The following DACH1 variants were observed in gnomAD, a reference collection of about 807,000 sequenced individuals.
DACH1 encodes dachshund homolog 1.
Under a neutral mutation model 54.2 loss-of-function variants are expected in DACH1, and 12 were observed. The observed-to-expected ratio is 0.22, with a 90% CI of 0.14 to 0.36. DACH1 has a LOEUF of 0.36. Ranked by LOEUF, DACH1 falls within the 10% of genes least tolerant of loss-of-function variation. The probability of loss-of-function intolerance (pLI) is 1.00; values close to 1 mark genes in which losing one functional copy is unlikely to be tolerated. For missense variants in DACH1, 805 were observed against 929.8 expected, an observed-to-expected ratio of 0.87 and a Z score of 1.75; for synonymous variants, 386 against 366.2, an observed-to-expected ratio of 1.05 and a Z score of -0.62.
At chr13:71,665,494 C>T (rs1191035081) in intron 2 of DACH1, among the ~76,000 whole-genome samples, 1 of 151,934 alleles carries the variant, frequency 6.6e-6, no homozygotes, top group Admixed American at 6.6e-5. Context: ...AAGCTTTCCA[C>T]CAGTATTATG....
At chr13:71,728,842 G>T (rs1379804800) in intron 1 of DACH1, among the ~76,000 whole-genome samples, 2 of 151,868 alleles carry the variant, frequency 1.3e-5, no homozygotes, top group Non-Finnish European at 2.9e-5. Flanking sequence ...AAAAAGAATT[G>T]ACCTATTCTA....
In DACH1 at chr13:71,519,063, C is replaced by T. The variant is rs569426309; in HGVS notation, c.1571-29915G>A. Among the ~76,000 whole-genome samples, 4 of 151,874 alleles carry T rather than the reference C, an allele frequency of 2.6e-5. No individual in the cohort carries two copies. In the East Asian group the frequency reaches 7.8e-4, roughly 30 times the overall value. On this transcript the variant is annotated intron_variant, in intron 6 of 10. Transcript: ENST00000613252. Reference sequence around the variant, plus strand: ...TCGAGTAGTTGAGTAGTTGTGTAGACAGAAATTATGTGTCCAATAATCCCA... The same window carrying T: ...TCGAGTAGTTGAGTAGTTGTGTAGATAGAAATTATGTGTCCAATAATCCCA...
intron 1 of DACH1, among the ~76,000 whole-genome samples, chr13:71,820,963 A>T (rs1404390447): frequency 1.3e-5 from 2 of 152,212 alleles, no homozygotes; most frequent in African/African-American, 2.4e-5. Flanking sequence ...AACCTTACCT[A>T]TCTAAATAGC....
chr13:71,679,788 T>C (rs1443341015), intron 2 of DACH1, among the ~76,000 whole-genome samples: 1 of 151,750 alleles, frequency 6.6e-6, no homozygotes, highest in African/African-American at 2.4e-5. Flanking sequence ...ATCGAGACCA[T>C]CCTGGCCAAC....
At chr13:71,834,144 C>T (rs1438901809) in intron 1 of DACH1, among the ~76,000 whole-genome samples, 2 of 151,976 alleles carry the variant, frequency 1.3e-5, no homozygotes, top group Admixed American at 6.6e-5. Context: ...ATTAAAGTAG[C>T]GAAATATCCC....
chr13:71,702,558 T>C (rs1882195059), intron 1 of DACH1, among the ~76,000 whole-genome samples: 1 of 152,146 alleles, frequency 6.6e-6, no homozygotes, highest in African/African-American at 2.4e-5. Context: ...ACGCAAAAGG[T>C]AGCATTGAAC....
At chr13:71,466,055 T>C (rs1172900742) in intron 10 of DACH1, among the ~76,000 whole-genome samples, 1 of 152,186 alleles carries the variant, frequency 6.6e-6, no homozygotes, top group Non-Finnish European at 1.5e-5. Flanking sequence ...TCCTTAAATT[T>C]CTAAATTCCC....
At chr13:71,644,076 A>G (rs376875075) in intron 2 of DACH1, among the ~76,000 whole-genome samples, 1 of 152,312 alleles carries the variant, frequency 6.6e-6, no homozygotes, top group African/African-American at 2.4e-5. Flanking sequence ...TCCCGAAAAG[A>G]CTAACTCTTA....
chr13:71,488,014 T>C (rs1878679543), intron 7 of DACH1, among the ~76,000 whole-genome samples: 1 of 152,154 alleles, frequency 6.6e-6, no homozygotes, highest in African/African-American at 2.4e-5. Context: ...TCTAATTACA[T>C]TAGTATTAAA....
intron 1 of DACH1, among the ~76,000 whole-genome samples, chr13:71,852,581 A>G (rs1205947741): frequency 6.6e-6 from 1 of 152,196 alleles, no homozygotes; most frequent in Non-Finnish European, 1.5e-5. Flanking sequence ...AATTCACCCA[A>G]TTAAGGGTAA....
chr13:71,866,633 G>A lies in DACH1; in HGVS notation c.137C>T (p.Pro46Leu), dbSNP rs1409165869. ...CAGAGTTGGCCCAGAGGACGCCGGG[G>A]GTCCGATGGAAGGAGCCGGAGACGA... Reference protein sequence around the residue: ...ATSSPAPSIGPPASSGPTLFR... With the variant: ...ATSSPAPSIGLPASSGPTLFR... The change falls in exon 1 of 11, where the codon CCC (proline) becomes CTC (leucine). Residue 46 changes from proline (P) to leucine (L), a missense_variant. Pro to Leu is a moderately conservative substitution (Grantham distance 98). This residue lies in a region of DACH1 where 305 missense variants were observed against 308.7 expected (regional missense o/e 0.99). Coordinates refer to ENST00000613252, the MANE Select transcript of DACH1 (RefSeq NM_080759.6). The A allele has an allele frequency of 2.1e-6, 3 of 1,405,402 alleles. No homozygotes were observed. Among genetic ancestry groups the A allele is most frequent in the African/African-American group, 2.9e-5 (2 of 67,994 alleles). The allele number at this position is 1,405,402 out of a possible 1,614,324, so 87.1% of individuals were successfully genotyped here.
At position 71,632,243 on chromosome 13, in the gene DACH1, T is replaced by C. The variant is rs931398563; in HGVS notation, c.965-1526A>G. Among the ~76,000 whole-genome samples, 12 of 152,132 alleles carry C rather than the reference T, an allele frequency of 7.9e-5. 1 individual carries two copies. The East Asian group carries it at 1.9e-3, about 25-fold the overall frequency. ...ATATAGAGAGATAATAAGCAGAGGTTTTTGAGCAGGGGAGTGGTTTGTCTT... is the reference window on the plus strand; with the variant it reads ...ATATAGAGAGATAATAAGCAGAGGTCTTTGAGCAGGGGAGTGGTTTGTCTT... On this transcript the variant is annotated intron_variant, in intron 2 of 10. Transcript: ENST00000613252.
intron 3 of DACH1, among the ~76,000 whole-genome samples, chr13:71,623,134 A>G (rs1876367882): frequency 1.3e-5 from 2 of 151,788 alleles, no homozygotes; most frequent in South Asian, 4.1e-4. Context: ...AAATATTTCA[A>G]AGTGAAAAAT....
At chr13:71,671,307 T>A (rs1339305274) in intron 2 of DACH1, among the ~76,000 whole-genome samples, 3 of 151,702 alleles carry the variant, frequency 2.0e-5, no homozygotes, top group Non-Finnish European at 4.4e-5. Flanking sequence ...AAAAAAAGTA[T>A]CCGTTAGCTT....
chr13:71,662,349 A>G (rs1409711379), intron 2 of DACH1, among the ~76,000 whole-genome samples: 1 of 152,068 alleles, frequency 6.6e-6, no homozygotes, highest in African/African-American at 2.4e-5. Flanking sequence ...TATAACAACC[A>G]TAAATGATCC....
At chr13:71,716,237 G>C (rs995673750) in intron 1 of DACH1, among the ~76,000 whole-genome samples, 1 of 151,808 alleles carries the variant, frequency 6.6e-6, no homozygotes, top group Non-Finnish European at 1.5e-5. Flanking sequence ...CATTCACATT[G>C]CTCCTGCCTT....
intron 7 of DACH1, among the ~76,000 whole-genome samples, chr13:71,485,996 A>G (rs1878472498): frequency 6.6e-6 from 1 of 151,872 alleles, no homozygotes; most frequent in Non-Finnish European, 1.5e-5. Flanking sequence ...AAATTTTAAA[A>G]TAAAAATTTA....
At chr13:71,779,643 A>C (rs1886281396) in intron 1 of DACH1, among the ~76,000 whole-genome samples, 1 of 152,050 alleles carries the variant, frequency 6.6e-6, no homozygotes, top group African/African-American at 2.4e-5. Context: ...AACAATAACC[A>C]CACCAAACAA....
intron 1 of DACH1, among the ~76,000 whole-genome samples, chr13:71,719,517 A>G (rs1883134783): frequency 6.6e-6 from 1 of 152,140 alleles, no homozygotes; most frequent in South Asian, 2.1e-4. Flanking sequence ...GTCACAGTAC[A>G]CTTTCTATAC....
Sources: gnomAD v4.1 joint callset for allele counts (sites outside exome capture counted in the v4.1 genomes callset) on GRCh38, gnomAD v4.1.1 for gene constraint, gnomAD v4.1.1 regional missense constraint, MANE v1.5 for transcripts, NCBI Gene and HGNC (gene_info 2026-07-23, HGNC 2026-07-21) for gene names.